RGS6: variants seen among roughly 807,000 people sequenced by gnomAD.
RGS6 encodes the protein regulator of G protein signaling 6.
A neutral mutation model predicts 78.5 loss-of-function variants in RGS6; 30 were observed. That is an observed-to-expected ratio of 0.38 (90% CI 0.29 to 0.52). The LOEUF (loss-of-function observed/expected upper bound fraction) is 0.52, where lower values mean the gene tolerates loss of function less well. Ranked by LOEUF, RGS6 falls within the 20% of genes least tolerant of loss-of-function variation. RGS6 has a pLI of 0.85. For missense variants in RGS6, 495 were observed against 609.7 expected (o/e 0.81, Z 1.98); for synonymous variants, 206 against 206.0 (o/e 1.00, Z 0.00).
chr14:71,982,242 G>A (rs1212681551), intron 2 of RGS6, among the ~76,000 whole-genome samples: 1 of 152,148 alleles, frequency 6.6e-6, no homozygotes, highest in Admixed American at 6.5e-5. Context: ...GAAATCACCC[G>A]TCTTCTGCGT....
chr14:72,553,069 C>T (rs1331156608), intron 17 of RGS6, among the ~76,000 whole-genome samples: 2 of 152,204 alleles, frequency 1.3e-5, no homozygotes, highest in African/African-American at 4.8e-5. Context: ...GGTGTATACA[C>T]AGGTGCATGT....
chr14:72,056,335 A>G (rs2093618429), intron 2 of RGS6, among the ~76,000 whole-genome samples: 1 of 152,094 alleles, frequency 6.6e-6, no homozygotes, highest in African/African-American at 2.4e-5. Context: ...CTGCTTTGGA[A>G]CATGTGTTAT....
chr14:72,513,210 C>T lies in RGS6; in HGVS notation c.1091+2931C>T, dbSNP rs868418859. On this transcript the variant is annotated intron_variant, in intron 14 of 17. Transcript: ENST00000553525. ...GATCATAACATTCTTGCACAACCCA[C>T]GGGGTGCCAGTTAAGTAGCCAAGTG... Among the ~76,000 whole-genome samples the T allele has an allele frequency of 2.4e-4, 37 of 152,342 alleles. 1 individual carries two copies. Among genetic ancestry groups the T allele is most frequent in the African/African-American group, 8.2e-4 (34 of 41,570 alleles).
chr14:71,957,024 G>C (rs2092840870), intron 1 of RGS6, among the ~76,000 whole-genome samples: 1 of 152,222 alleles, frequency 6.6e-6, no homozygotes, highest in African/African-American at 2.4e-5. Context: ...AGTGGAGGAT[G>C]CTTGTAGTGG....
upstream of RGS6, chr14:71,932,301 C>G (rs1371923634): frequency 1.3e-5 from 2 of 151,532 alleles, no homozygotes; most frequent in African/African-American, 4.8e-5. Flanking sequence ...CCCCTCCCTG[C>G]AGCACGCGGT....
intron 3 of RGS6, among the ~76,000 whole-genome samples, chr14:72,401,351 C>T (rs1260472782): frequency 4.0e-5 from 6 of 151,896 alleles, no homozygotes; most frequent in African/African-American, 1.2e-4. Flanking sequence ...TGAAAAGCTT[C>T]AAAGCAGAGA....
chr14:72,415,410 G>A (rs1241455342), intron 3 of RGS6, among the ~76,000 whole-genome samples: 7 of 152,266 alleles, frequency 4.6e-5, no homozygotes, highest in Non-Finnish European at 1.0e-4. Flanking sequence ...TAGGGTGGAA[G>A]TGACCCAATT....
chr14:71,905,761 A>T, the RGS6 span, among the ~76,000 whole-genome samples: 1 of 152,202 alleles, frequency 6.6e-6, no homozygotes, highest in East Asian at 1.9e-4. Context: ...AAGTGCTAGG[A>T]TACAGGCATG....
At chr14:72,554,763 T>C (rs1022966600) in intron 17 of RGS6, among the ~76,000 whole-genome samples, 10 of 152,132 alleles carry the variant, frequency 6.6e-5, no homozygotes, top group Non-Finnish European at 1.5e-4. Context: ...AGAGAGCTGG[T>C]GTGAAAAGGG....
At chr14:72,510,066 C>T in intron 13 of RGS6, 88 bp from the exon 14 acceptor site, 1 of 1,438,254 alleles carries the variant, frequency 7.0e-7, no homozygotes, top group Non-Finnish European at 9.3e-7. Flanking sequence ...TGAGTGACTG[C>T]AAAACAGACT....
At chr14:71,870,583 C>T in the RGS6 span, among the ~76,000 whole-genome samples, 6 of 152,298 alleles carry the variant, frequency 3.9e-5, no homozygotes, top group East Asian at 5.8e-4. Flanking sequence ...CACAGTGATA[C>T]TGGCTTGGTA....
At chr14:72,459,956 A>T (rs775268759) in intron 6 of RGS6, among the ~76,000 whole-genome samples, 2 of 152,176 alleles carry the variant, frequency 1.3e-5, no homozygotes, top group African/African-American at 2.4e-5. Flanking sequence ...TCTTGGGGCC[A>T]TGGAGAACCA....
chr14:72,247,489 A>G (rs2054524254), intron 2 of RGS6, among the ~76,000 whole-genome samples: 1 of 152,232 alleles, frequency 6.6e-6, no homozygotes, highest in Non-Finnish European at 1.5e-5. Flanking sequence ...TCAAGGAAAT[A>G]GTGCTTGCTT....
At chr14:72,137,984 C>T (rs2096473668) in intron 2 of RGS6, among the ~76,000 whole-genome samples, 1 of 152,094 alleles carries the variant, frequency 6.6e-6, no homozygotes, top group African/African-American at 2.4e-5. Context: ...CATCCTGAGG[C>T]TATCCAGGAG....
the RGS6 span, among the ~76,000 whole-genome samples, chr14:71,879,322 A>G: frequency 6.6e-6 from 1 of 152,250 alleles, no homozygotes; most frequent in East Asian, 1.9e-4. Context: ...AGAAATGGTT[A>G]AGAGCTTTAA....
intron 3 of RGS6, among the ~76,000 whole-genome samples, chr14:72,393,345 A>T (rs1306758243): frequency 6.6e-6 from 1 of 152,216 alleles, no homozygotes; most frequent in Non-Finnish European, 1.5e-5. Context: ...ACTGAATCAC[A>T]TGCAAAGCTT....
intron 2 of RGS6, among the ~76,000 whole-genome samples, chr14:72,165,278 A>ATGTTC (rs2096909135): frequency 2.6e-5 from 4 of 152,208 alleles, no homozygotes; most frequent in Non-Finnish European, 5.9e-5. Context: ...GCAAGGAAGA[A>ATGTTC]TCTCCGGAGA....
At chr14:72,067,848 G>T (rs181345122) in intron 2 of RGS6, among the ~76,000 whole-genome samples, 2 of 152,212 alleles carry the variant, frequency 1.3e-5, no homozygotes, top group Admixed American at 1.3e-4. Flanking sequence ...CCACCGTGAG[G>T]ATGGTCTAGA....
At chr14:72,053,312 G>A (rs1386988075) in intron 2 of RGS6, among the ~76,000 whole-genome samples, 19 of 151,504 alleles carry the variant, frequency 1.3e-4, no homozygotes, top group Admixed American at 8.6e-4. Flanking sequence ...TAGAGACGGA[G>A]TTTCACCATA....
Sources: gnomAD v4.1 joint callset for allele counts (sites outside exome capture counted in the v4.1 genomes callset) on GRCh38, gnomAD v4.1.1 for gene constraint, MANE v1.5 for transcripts, NCBI Gene and HGNC (gene_info 2026-07-23, HGNC 2026-07-21) for gene names.